RIMS3: variants seen among roughly 807,000 people sequenced by gnomAD.
The protein encoded by RIMS3 is regulating synaptic membrane exocytosis 3, also known as regulating synaptic membrane exocytosis protein 3.
RIMS3 carries 15 observed loss-of-function variants against 29.2 expected under a neutral mutation model. The observed-to-expected ratio is 0.51, with a 90% CI of 0.34 to 0.79. The LOEUF is 0.79. Ranked by LOEUF, RIMS3 falls within the 30% of genes least tolerant of loss-of-function variation. The probability of loss-of-function intolerance (pLI) is 0.01; values close to 1 mark genes in which losing one functional copy is unlikely to be tolerated. For synonymous variants in RIMS3, 161 were observed against 170.1 expected (o/e 0.95, Z 0.41); for missense variants, 342 against 421.4 (o/e 0.81, Z 1.65).
chr1:40,686,794 G>C, the RIMS3 span, among the ~76,000 whole-genome samples: 2 of 152,296 alleles, frequency 1.3e-5, no homozygotes, highest in African/African-American at 4.8e-5. Context: ...TCTCATTGCT[G>C]ATGATGTGTT....
intron 3 of RIMS3, among the ~76,000 whole-genome samples, chr1:40,637,724 T>C (rs192527225): frequency 2.0e-3 from 300 of 152,284 alleles, no homozygotes; most frequent in Non-Finnish European, 3.4e-3. Flanking sequence ...CACAGACACA[T>C]GATCTTCACA....
chr1:40,661,534 C>T, intron 1 of RIMS3, among the ~76,000 whole-genome samples: 1 of 152,180 alleles, frequency 6.6e-6, no homozygotes, highest in East Asian at 1.9e-4. Flanking sequence ...AGGCGCAGGG[C>T]CCTGCGTGAC....
intron 1 of RIMS3, among the ~76,000 whole-genome samples, chr1:40,662,166 C>CT (rs1383684820): frequency 6.6e-6 from 1 of 152,132 alleles, no homozygotes; most frequent in Non-Finnish European, 1.5e-5. Flanking sequence ...ATTCCCAAGT[C>CT]TTTAGTATCC....
intron 7 of RIMS3, among the ~76,000 whole-genome samples, chr1:40,628,280 C>G (rs549593340): frequency 1.3e-5 from 2 of 152,360 alleles, no homozygotes; most frequent in East Asian, 3.9e-4. Context: ...GAAGATCCCT[C>G]CCTCCCAGGA....
At chr1:40,650,610 C>T (rs116208119) in intron 1 of RIMS3, among the ~76,000 whole-genome samples, 9,030 of 152,016 alleles carry the variant, frequency 0.059, 354 homozygotes, top group Non-Finnish European at 0.09. Context: ...GCTTGTAATC[C>T]CAGCACTTAG....
upstream of RIMS3, among the ~76,000 whole-genome samples, chr1:40,666,956 C>T (rs969757174): frequency 1.3e-5 from 2 of 152,070 alleles, no homozygotes; most frequent in Admixed American, 6.6e-5. Context: ...ACCCAGGAGG[C>T]GGAGGTTGCA....
intron 4 of RIMS3, among the ~76,000 whole-genome samples, chr1:40,634,959 A>C (rs1209799342): frequency 6.6e-6 from 1 of 152,048 alleles, no homozygotes; most frequent in East Asian, 1.9e-4. Context: ...AAAAAAACAA[A>C]AAAAACAACG....
At chr1:40,688,711 C>T in the RIMS3 span, among the ~76,000 whole-genome samples, 2 of 152,154 alleles carry the variant, frequency 1.3e-5, no homozygotes, top group African/African-American at 2.4e-5. Context: ...AGAGATGACA[C>T]GGGCAAGGAA....
At chr1:40,662,055 A>G (rs1642360545) in intron 1 of RIMS3, among the ~76,000 whole-genome samples, 1 of 152,174 alleles carries the variant, frequency 6.6e-6, no homozygotes, top group Non-Finnish European at 1.5e-5. Context: ...CACTCCCAAG[A>G]AGGCTCTGCC....
chr1:40,660,369 T>G (rs905456444), intron 1 of RIMS3, among the ~76,000 whole-genome samples: 178 of 151,204 alleles, frequency 1.2e-3, no homozygotes, highest in African/African-American at 4.1e-3. Context: ...CTGCAGATTG[T>G]TGGGGCTTCT....
chr1:40,624,644 A>T lies in RIMS3; in HGVS notation c.*1873T>A, dbSNP rs1276530248. The stretch of plus-strand genomic sequence containing the variant: ...CTTACCCACTTCTTGTCCTGTGGGC[A>T]GGCCAGGTGGGGTTCTGGCTTCTTC... On this transcript the variant is annotated 3_prime_UTR_variant, in exon 8 of 8. Coordinates refer to ENST00000372684, the MANE Select transcript of RIMS3 (RefSeq NM_014747.3). 1 of 152,486 alleles carries T rather than the reference A, an allele frequency of 6.6e-6. No homozygotes were observed. Among genetic ancestry groups the T allele is most frequent in the Non-Finnish European group, 1.5e-5 (1 of 68,086 alleles). The allele number at this position is 152,486 out of a possible 1,614,324, so 9.4% of individuals were successfully genotyped here. A position where few individuals can be genotyped will look rare whatever the true frequency, so the allele number is the denominator to read the frequency against.
At chr1:40,628,693 C>T (rs995658043) in intron 7 of RIMS3, 117 bp downstream of exon 7, 12 of 1,380,642 alleles carry the variant, frequency 8.7e-6, no homozygotes, top group African/African-American at 2.8e-5. Context: ...AAATGAGTAA[C>T]GCAAATTAAT....
chr1:40,658,157 T>C (rs1642298149), intron 1 of RIMS3, among the ~76,000 whole-genome samples: 1 of 152,220 alleles, frequency 6.6e-6, no homozygotes, highest in Non-Finnish European at 1.5e-5. Context: ...AGTTACATCT[T>C]GGAGGATGAA....
intron 3 of RIMS3, among the ~76,000 whole-genome samples, chr1:40,637,853 C>T (rs1229115332): frequency 2.2e-4 from 33 of 152,194 alleles, no homozygotes; most frequent in Admixed American, 2.2e-3. Context: ...TGTGGGGCCT[C>T]TCCCTGTCCG....
At position 40,643,851 on chromosome 1, in the gene RIMS3, CA is replaced by C. The variant is rs1296051595; in HGVS notation, c.-31-1896del. On this transcript the variant is annotated intron_variant, in intron 2 of 7. Coordinates refer to ENST00000372684, the MANE Select transcript of RIMS3 (RefSeq NM_014747.3). ...ATTCCTCGAAATGGAACGACTGGAT[CA>C]GGGGGTACAAATACTGCTAGGAGCT... Among the ~76,000 whole-genome samples the C allele has an allele frequency of 4.6e-5, 7 of 152,260 alleles. No homozygotes were observed. The East Asian group carries it at 9.6e-4, about 21-fold the overall frequency.
the RIMS3 span, among the ~76,000 whole-genome samples, chr1:40,676,780 T>G: frequency 6.6e-6 from 1 of 152,152 alleles, no homozygotes; most frequent in African/African-American, 2.4e-5. Flanking sequence ...ATAATAATAC[T>G]CCCTTGCTTT....
the RIMS3 span, among the ~76,000 whole-genome samples, chr1:40,678,583 A>T: frequency 2.0e-5 from 3 of 152,202 alleles, no homozygotes; most frequent in Non-Finnish European, 4.4e-5. Flanking sequence ...CAGCCACAAC[A>T]TGGAGTCAAG....
At chr1:40,687,104 A>C in the RIMS3 span, among the ~76,000 whole-genome samples, 1 of 152,154 alleles carries the variant, frequency 6.6e-6, no homozygotes, top group Non-Finnish European at 1.5e-5. Flanking sequence ...ACTCCAACAG[A>C]TATTTGTATA....
intron 1 of RIMS3, among the ~76,000 whole-genome samples, chr1:40,650,002 GC>G (rs35963303): frequency 0.37 from 55,582 of 151,882 alleles, 11,381 homozygotes; most frequent in African/African-American, 0.56. Context: ...ACAAGACTGA[GC>G]CCCTGATGTT....
Sources: gnomAD v4.1 joint callset for allele counts (sites outside exome capture counted in the v4.1 genomes callset) on GRCh38, gnomAD v4.1.1 for gene constraint, MANE v1.5 for transcripts, NCBI Gene and HGNC (gene_info 2026-07-23, HGNC 2026-07-21) for gene names.